Variants in BAZ1B observed in about 807,000 individuals in gnomAD.
BAZ1B encodes the protein tyrosine-protein kinase BAZ1B.
A neutral mutation model predicts 153.8 loss-of-function variants in BAZ1B; 22 were observed. The ratio of observed to expected loss-of-function variants is 0.14; its 90% CI spans 0.10 to 0.20. The LOEUF is 0.20. Ranked by LOEUF, BAZ1B falls within the 10% of genes least tolerant of loss-of-function variation. The pLI is 1.00. For missense variants in BAZ1B, 1,325 were observed against 1,799.3 expected (o/e 0.74, Z 4.77); for synonymous variants, 676 against 633.4 (o/e 1.07, Z -1.01).
chr7:73,477,268 C>T lies in BAZ1B; in HGVS notation c.2193G>A (p.Lys731=). 6.2e-7 allele frequency: 1 copy of T among 1,614,220 alleles called. No homozygotes were observed. The highest frequency in any genetic ancestry group is 8.5e-7 in the Non-Finnish European group (1 of 1,180,052). ...DNEVQDEFLE[K]LETSEFFELT... ...GCTCAAAAAATTCAGAGGTCTCCAGCTTTTCTAGGAACTCATCTTGTACCT... is the reference window on the plus strand; with the variant it reads ...GCTCAAAAAATTCAGAGGTCTCCAGTTTTTCTAGGAACTCATCTTGTACCT... The change falls in exon 7 of 20, where the codon AAG becomes AAA. Residue 731 remains lysine (K), a synonymous_variant. Coordinates refer to ENST00000339594, the MANE Select transcript of BAZ1B (RefSeq NM_032408.4). The surrounding 1 kb of genome is among the most constrained non-coding windows in gnomAD (Gnocchi z 5.6).
chr7:73,442,134 C>CCAGG, intron 19 of BAZ1B, 47 bp downstream of exon 19: 1 of 621,432 alleles, frequency 1.6e-6, no homozygotes, highest in Non-Finnish European at 2.9e-6. Flanking sequence ...TCCTCGCTCG[C>CCAGG]CTCCCTCCCA....
Position 73,477,200 on chromosome 7 carries a change from T to C in BAZ1B, c.2261A>G (p.His754Arg). ...EKLQILTALC[H>R]RILMTYSVQD... Reference sequence around the variant, plus strand: ...CACTGAGTATGTCATGAGGATCCGGTGGCACAGTGCTGTCAAGATCTGTAG... The same window carrying C: ...CACTGAGTATGTCATGAGGATCCGGCGGCACAGTGCTGTCAAGATCTGTAG... The change falls in exon 7 of 20, where the codon CAC (histidine) becomes CGC (arginine). Residue 754 changes from histidine (H) to arginine (R), a missense_variant. By Grantham distance (29) the His-to-Arg change is conservative. Coordinates refer to ENST00000339594, the MANE Select transcript of BAZ1B (RefSeq NM_032408.4). This position sits in a 1 kb window ranked among gnomAD's most constrained non-coding sequence, Gnocchi z 5.6. The C allele has an allele frequency of 6.2e-7, 1 of 1,614,224 alleles. No homozygotes were observed. Among genetic ancestry groups the C allele is most frequent in the Non-Finnish European group, 8.5e-7 (1 of 1,180,036 alleles).
chr7:73,510,720 T>C lies in BAZ1B; in HGVS notation c.224+16A>G, dbSNP rs781843745. ...ATGTGAAGATGGTGGCAAAGAGCAA[T>C]ACTTCCATTACTTACAGCTCAGCAA... On this transcript the variant is annotated intron_variant, in intron 2 of 19. Coordinates refer to ENST00000339594, the MANE Select transcript of BAZ1B (RefSeq NM_032408.4). 2 of 1,601,456 alleles carry C rather than the reference T, an allele frequency of 1.2e-6. No individual in the cohort carries two copies. The highest frequency in any genetic ancestry group is 2.2e-5 in the South Asian group (2 of 90,818).
intron 11 of BAZ1B, among the ~76,000 whole-genome samples, chr7:73,464,556 C>T (rs781811672): frequency 5.3e-5 from 8 of 151,968 alleles, no homozygotes; most frequent in Non-Finnish European, 1.2e-4. Context: ...TTTGCCTATT[C>T]TAAGATGTTT....
rs536543715 is a variant in BAZ1B, at chr7:73,521,334, G to A, written c.107+493C>T. On this transcript the variant is annotated intron_variant, in intron 1 of 19. Transcript: ENST00000339594. ...AAAAAACGCCAAGTATCCCCGCAGA[G>A]ATCGGGGTAAGACGCAGTTGAGTCT... 1.4e-4 allele frequency among the ~76,000 whole-genome samples: 21 copies of A among 152,326 alleles called. No homozygotes were observed. In the South Asian group the frequency reaches 3.3e-3, roughly 24 times the overall value.
chr7:73,473,245 A>G (rs1209705521), intron 7 of BAZ1B, among the ~76,000 whole-genome samples: 2 of 152,100 alleles, frequency 1.3e-5, no homozygotes, highest in African/African-American at 2.4e-5. Context: ...TGGCCTGTTC[A>G]TATGTCTTTA....
intron 1 of BAZ1B, among the ~76,000 whole-genome samples, chr7:73,520,783 G>A (rs781982061): frequency 1.3e-5 from 2 of 152,194 alleles, no homozygotes; most frequent in African/African-American, 2.4e-5. Context: ...CTATACAGAA[G>A]CAAGCAAGAA....
intron 1 of BAZ1B, among the ~76,000 whole-genome samples, chr7:73,515,134 C>T (rs1343841566): frequency 2.6e-5 from 4 of 152,112 alleles, no homozygotes; most frequent in African/African-American, 9.7e-5. Flanking sequence ...CCTTCTCTGC[C>T]AAGAATATAC....
chr7:73,444,951 T>C (rs1583881967), intron 16 of BAZ1B, among the ~76,000 whole-genome samples: 1 of 151,656 alleles, frequency 6.6e-6, no homozygotes, highest in South Asian at 2.1e-4. Context: ...GAGGCGGAGG[T>C]TGCAGTGAGC....
chr7:73,517,709 C>T (rs1790861160), intron 1 of BAZ1B, among the ~76,000 whole-genome samples: 1 of 152,156 alleles, frequency 6.6e-6, no homozygotes, highest in African/African-American at 2.4e-5. Flanking sequence ...CATATAATTG[C>T]AGACAAAATG....
At chr7:73,498,445 T>A in intron 4 of BAZ1B, 52 bp downstream of exon 4, 1 of 1,536,768 alleles carries the variant, frequency 6.5e-7, no homozygotes, top group South Asian at 1.1e-5. Flanking sequence ...GTGTTCATAA[T>A]AAAATAAACA....
At chr7:73,492,364 A>G (rs782509391) in intron 5 of BAZ1B, among the ~76,000 whole-genome samples, 4 of 151,666 alleles carry the variant, frequency 2.6e-5, no homozygotes, top group Non-Finnish European at 4.4e-5. Context: ...TGGTTTCACC[A>G]TGTTAGCCGG....
At chr7:73,484,252 G>A (rs991634600) in intron 6 of BAZ1B, among the ~76,000 whole-genome samples, 6 of 152,156 alleles carry the variant, frequency 3.9e-5, no homozygotes, top group African/African-American at 1.2e-4. Context: ...GCGACAGAGC[G>A]AGACTCTGTC....
intron 6 of BAZ1B, among the ~76,000 whole-genome samples, chr7:73,484,210 G>A (rs1789307855): frequency 6.6e-6 from 1 of 152,086 alleles, no homozygotes; most frequent in Non-Finnish European, 1.5e-5. Flanking sequence ...AGGTTACAGT[G>A]AGCAAAGACT....
intron 6 of BAZ1B, among the ~76,000 whole-genome samples, chr7:73,486,769 T>C (rs1789427923): frequency 6.6e-6 from 1 of 152,224 alleles, no homozygotes; most frequent in South Asian, 2.1e-4. Flanking sequence ...TTTGGATGGA[T>C]GGGTCCTATG....
chr7:73,518,272 G>T (rs1218318892), intron 1 of BAZ1B, among the ~76,000 whole-genome samples: 2 of 151,306 alleles, frequency 1.3e-5, no homozygotes, highest in African/African-American at 4.8e-5. Context: ...AATTAGCCAG[G>T]CGTGGTGGCG....
chr7:73,489,257 A>T lies in BAZ1B; in HGVS notation c.828T>A (p.Asp276Glu). ...GCAGAGAGTATTTCTTCACCAATTC[A>T]TCTTCTACGACCCAAGGTGCATTTT... ...TGENAPWVVE[D>E]ELVKKYSLPS... The change falls in exon 6 of 20, where the codon GAT (aspartate) becomes GAA (glutamate). Residue 276 changes from aspartate (D) to glutamate (E), a missense_variant. Coordinates refer to ENST00000339594, the MANE Select transcript of BAZ1B (RefSeq NM_032408.4). The T allele has an allele frequency of 2.5e-6, 4 of 1,614,202 alleles. No individual in the cohort carries two copies. The highest frequency in any genetic ancestry group is 3.4e-6 in the Non-Finnish European group (4 of 1,180,044).
At chr7:73,448,760 C>T (rs1787927020) in intron 15 of BAZ1B, among the ~76,000 whole-genome samples, 1 of 152,150 alleles carries the variant, frequency 6.6e-6, no homozygotes. Flanking sequence ...AATATGGGAT[C>T]TAAAGCTAAT....
Position 73,501,914 on chromosome 7 carries a change from G to A in BAZ1B, c.370-3216C>T, listed in dbSNP as rs547376354. Among the ~76,000 whole-genome samples the A allele has an allele frequency of 5.8e-5, 8 of 138,076 alleles. No homozygotes were observed. In the East Asian group the frequency reaches 6.2e-4, roughly 11 times the overall value. 90.6% of individuals were successfully genotyped at this position (138,076 alleles called of 152,430 possible). A position where few individuals can be genotyped will look rare whatever the true frequency, so the allele number is the denominator to read the frequency against. ...TTTTTTTTTTTTTTTTTTTTGAGAC[G>A]GAATCTCACTCTGTCACCTAGGCTG... On this transcript the variant is annotated intron_variant, in intron 3 of 19. Transcript: ENST00000339594.
Sources: gnomAD v4.1 joint callset for allele counts (sites outside exome capture counted in the v4.1 genomes callset) on GRCh38, gnomAD v4.1.1 for gene constraint, Gnocchi (gnomAD v3.1) non-coding constraint, MANE v1.5 for transcripts, NCBI Gene and HGNC (gene_info 2026-07-23, HGNC 2026-07-21) for gene names.